Variants in FRMD3 observed in about 807,000 individuals in gnomAD.
The protein encoded by FRMD3 is FERM domain containing 3.
Under a neutral mutation model 70.2 loss-of-function variants are expected in FRMD3, and 33 were observed. The observed-to-expected ratio is 0.47, with a 90% CI of 0.36 to 0.63. The LOEUF is 0.63. Ranked by LOEUF, FRMD3 falls within the 20% of genes least tolerant of loss-of-function variation. The pLI, the probability that FRMD3 is intolerant of heterozygous loss-of-function variation, is 0.00. For synonymous variants in FRMD3, 279 were observed against 255.9 expected (o/e 1.09, Z -0.86); for missense variants, 632 against 711.4 (o/e 0.89, Z 1.27).
chr9:83,452,905 A>T (rs571604413), intron 1 of FRMD3, among the ~76,000 whole-genome samples: 1 of 119,702 alleles, frequency 8.4e-6, no homozygotes, highest in Non-Finnish European at 1.6e-5. Context: ...CCCAGGCTGG[A>T]GTGCAGTGGT....
Position 83,290,697 on chromosome 9 carries a change from G to C in FRMD3, c.1101C>G (p.His367Gln), listed in dbSNP as rs1229895413. ...TAATGATGAGCTGTTTGTTCAAGGA[G>C]TGGGAACTGCGGCTCTGAGTAATGT... ...RANITQSRSS[H>Q]SLNKQLIINM... The change falls in exon 13 of 14, where the codon CAC becomes CAG. Residue 367 changes from histidine (H) to glutamine (Q), a missense_variant. Around this residue, in one of 3 missense-constraint regions of FRMD3, gnomAD observed 418 missense variants for 442.1 expected, o/e 0.95. Transcript: ENST00000304195. The C allele has an allele frequency of 1.2e-6, 2 of 1,613,540 alleles. No homozygotes were observed. The highest frequency in any genetic ancestry group is 1.7e-6 in the Non-Finnish European group (2 of 1,179,790).
At chr9:83,433,798 C>T (rs1207890741) in intron 1 of FRMD3, among the ~76,000 whole-genome samples, 1 of 152,150 alleles carries the variant, frequency 6.6e-6, no homozygotes, top group African/African-American at 2.4e-5. Flanking sequence ...TCTAATGTCA[C>T]CACTGATCTG....
At chr9:83,520,566 T>A (rs1399406407) in intron 1 of FRMD3, among the ~76,000 whole-genome samples, 4 of 152,176 alleles carry the variant, frequency 2.6e-5, no homozygotes, top group African/African-American at 9.7e-5. Flanking sequence ...TAAATAGCTA[T>A]GAAAATTCAG....
the FRMD3 span, among the ~76,000 whole-genome samples, chr9:83,559,763 C>T: frequency 6.6e-6 from 1 of 152,126 alleles, no homozygotes; most frequent in Non-Finnish European, 1.5e-5. Context: ...TAAAATTATA[C>T]ACTTTAAATG....
intron 2 of FRMD3, among the ~76,000 whole-genome samples, chr9:83,373,176 CAG>C (rs986711357): frequency 2.6e-5 from 4 of 152,140 alleles, no homozygotes; most frequent in African/African-American, 9.7e-5. Flanking sequence ...ATATGTGAGT[CAG>C]ACAGTTGCTA....
At chr9:83,298,668 C>T (rs986256555) in intron 12 of FRMD3, 80 bp downstream of exon 12, 1 of 1,067,532 alleles carries the variant, frequency 9.4e-7, no homozygotes. Flanking sequence ...CTGTATGTCA[C>T]TACACAAAGG....
chr9:83,448,464 C>A (rs551163868), intron 1 of FRMD3, among the ~76,000 whole-genome samples: 7 of 152,208 alleles, frequency 4.6e-5, no homozygotes, highest in Admixed American at 4.6e-4. Flanking sequence ...GCGGTAAGGC[C>A]TCAGGTGGCA....
At chr9:83,414,441 G>A (rs60152061) in intron 1 of FRMD3, among the ~76,000 whole-genome samples, 18,700 of 151,944 alleles carry the variant, frequency 0.12, 1,227 homozygotes, top group South Asian at 0.15. Context: ...TTCCTTAAAC[G>A]GAACACAGAA....
intron 13 of FRMD3, among the ~76,000 whole-genome samples, chr9:83,289,790 TAATTA>T (rs1834347239): frequency 6.6e-6 from 1 of 152,260 alleles, no homozygotes; most frequent in African/African-American, 2.4e-5. Context: ...GTTTTCAATT[TAATTA>T]ATTTCATCAA....
rs550586265 is a variant in FRMD3 at position 83,425,290 on chromosome 9, C to T, written c.148-35582G>A. On this transcript the variant is annotated intron_variant, in intron 1 of 13. Transcript: ENST00000304195. ...TCCAAGAGTGAGCTTGTAACAAGGT[C>T]CCCTGCATGAGAATTAGCAGCCAGA... Among the ~76,000 whole-genome samples, 7 of 152,252 alleles carry T rather than the reference C, an allele frequency of 4.6e-5. No homozygotes were observed. In the East Asian group the frequency reaches 1.2e-3, roughly 25 times the overall value.
chr9:83,343,412 T>C (rs964697715), intron 4 of FRMD3, 125 bp from the exon 5 acceptor site: 8 of 648,504 alleles, frequency 1.2e-5, no homozygotes, highest in African/African-American at 9.1e-5. Flanking sequence ...GGCTTAGACA[T>C]GCCCAGCCCT....
At chr9:83,519,782 G>A (rs901697238) in intron 1 of FRMD3, among the ~76,000 whole-genome samples, 1 of 152,140 alleles carries the variant, frequency 6.6e-6, no homozygotes, top group African/African-American at 2.4e-5. Context: ...AGAAAATGTG[G>A]CACTTATACA....
At chr9:83,409,778 A>T (rs1463219031) in intron 1 of FRMD3, among the ~76,000 whole-genome samples, 1 of 152,120 alleles carries the variant, frequency 6.6e-6, no homozygotes. Flanking sequence ...CAGGACATGA[A>T]CTCTCTTCTG....
chr9:83,449,413 C>T (rs78267851), intron 1 of FRMD3, among the ~76,000 whole-genome samples: 2 of 152,196 alleles, frequency 1.3e-5, no homozygotes, highest in African/African-American at 4.8e-5. Context: ...CCTGGGATCA[C>T]ATAAGCTTCC....
At chr9:83,408,820 A>G (rs557369931) in intron 1 of FRMD3, among the ~76,000 whole-genome samples, 5 of 152,302 alleles carry the variant, frequency 3.3e-5, no homozygotes, top group Admixed American at 2.0e-4. Context: ...CAATCCATGC[A>G]GAAACACGTG....
At chr9:83,530,703 G>GT (rs963929273) in intron 1 of FRMD3, among the ~76,000 whole-genome samples, 2 of 151,466 alleles carry the variant, frequency 1.3e-5, no homozygotes, top group East Asian at 3.9e-4. Flanking sequence ...TTTGAAAATA[G>GT]TTTTTTTTTA....
intron 9 of FRMD3, among the ~76,000 whole-genome samples, chr9:83,310,119 A>G (rs1835294352): frequency 6.6e-6 from 1 of 152,238 alleles, no homozygotes; most frequent in Non-Finnish European, 1.5e-5. Context: ...GGCTCTGTTT[A>G]TAACACTCTA....
intron 6 of FRMD3, among the ~76,000 whole-genome samples, chr9:83,314,194 A>C (rs993546401): frequency 6.6e-6 from 1 of 152,214 alleles, no homozygotes; most frequent in Non-Finnish European, 1.5e-5. Context: ...ATCAAGGCCA[A>C]AAGAATTGTC....
downstream of FRMD3, chr9:83,243,253 A>C (rs1228460785): frequency 4.5e-6 from 7 of 1,547,426 alleles, no homozygotes; most frequent in Non-Finnish European, 6.1e-6. Flanking sequence ...AAAAGGAGAG[A>C]GGGAGAGAGA....
Sources: gnomAD v4.1 joint callset for allele counts (sites outside exome capture counted in the v4.1 genomes callset) on GRCh38, gnomAD v4.1.1 for gene constraint, gnomAD v4.1.1 regional missense constraint, MANE v1.5 for transcripts, NCBI Gene and HGNC (gene_info 2026-07-23, HGNC 2026-07-21) for gene names.